Variants in ULK2 observed in about 807,000 individuals in gnomAD.
ULK2 encodes the protein serine/threonine-protein kinase ULK2.
ULK2 carries 76 observed loss-of-function variants against 127.5 expected under a neutral mutation model. That is an observed-to-expected ratio of 0.60 (90% CI 0.50 to 0.72). The LOEUF (loss-of-function observed/expected upper bound fraction) is 0.72. ULK2 is among the 30% of genes least tolerant of loss of function. ULK2 has a pLI of 0.00. For synonymous variants in ULK2, 452 were observed against 461.9 expected (o/e 0.98, Z 0.28); for missense variants, 1,144 against 1,295.9 (o/e 0.88, Z 1.80).
chr17:19,842,055 T>C (rs1597798918), intron 8 of ULK2, among the ~76,000 whole-genome samples: 2 of 152,238 alleles, frequency 1.3e-5, no homozygotes, highest in Admixed American at 1.3e-4. Flanking sequence ...CTATGTATAC[T>C]GCTACTATTC....
chr17:19,867,237 G>A (rs1255996825), intron 1 of ULK2, 91 bp downstream of exon 1: 8 of 1,023,022 alleles, frequency 7.8e-6, no homozygotes, highest in African/African-American at 1.7e-5. Context: ...AGCCGAGTCG[G>A]GGGTCTCGGC....
chr17:19,784,737 G>C (rs1344377321), intron 21 of ULK2, among the ~76,000 whole-genome samples: 1 of 151,736 alleles, frequency 6.6e-6, no homozygotes, highest in Admixed American at 6.6e-5. Context: ...TGTTGCCCAG[G>C]CTGGTCTCAA....
intron 3 of ULK2, among the ~76,000 whole-genome samples, chr17:19,864,224 T>C (rs962541371): frequency 2.6e-5 from 4 of 152,180 alleles, no homozygotes; most frequent in African/African-American, 9.7e-5. Context: ...TCCCAGTACT[T>C]TGGGAGGCCA....
At chr17:19,826,311 T>C in intron 10 of ULK2, 125 bp from the exon 11 acceptor site, 1 of 444,762 alleles carries the variant, frequency 2.2e-6, no homozygotes. Flanking sequence ...TTATATAGGC[T>C]CCATTTCCTT....
intron 25 of ULK2, among the ~76,000 whole-genome samples, chr17:19,778,890 C>A (rs886803682): frequency 3.3e-5 from 5 of 152,114 alleles, no homozygotes; most frequent in African/African-American, 1.2e-4. Flanking sequence ...CACTAAGCAG[C>A]CAGGACGAAC....
chr17:19,785,894 C>T, intron 21 of ULK2, 43 bp downstream of exon 21: 1 of 1,583,702 alleles, frequency 6.3e-7, no homozygotes, highest in Non-Finnish European at 8.6e-7. Flanking sequence ...ACACTACATT[C>T]CAAATACTAG....
At chr17:19,831,057 G>C (rs898390763) in intron 10 of ULK2, among the ~76,000 whole-genome samples, 3 of 150,306 alleles carry the variant, frequency 2.0e-5, no homozygotes, top group Admixed American at 6.6e-5. Flanking sequence ...CCTGAGACTG[G>C]CCATTTTATG....
At chr17:19,790,599 A>G (rs1024471412) in intron 20 of ULK2, among the ~76,000 whole-genome samples, 3 of 152,148 alleles carry the variant, frequency 2.0e-5, no homozygotes, top group Non-Finnish European at 4.4e-5. Context: ...GGAAGGAAGG[A>G]AAAAGAAGAC....
intron 20 of ULK2, among the ~76,000 whole-genome samples, chr17:19,793,322 G>T (rs1269061121): frequency 1.3e-5 from 2 of 152,164 alleles, no homozygotes; most frequent in East Asian, 1.9e-4. Flanking sequence ...TACAATTCAA[G>T]ATGAGATTTG....
At position 19,867,680 on chromosome 17, in the gene ULK2, G is replaced by A. The variant is rs2042385823; in HGVS notation, c.-263C>T. Reference sequence around the variant, plus strand: ...CGCCGGCCGCTGGCTGTCTGGCGAAGCGGCCTCGGCGCTGCCGGGCCAGGG... The same window carrying A: ...CGCCGGCCGCTGGCTGTCTGGCGAAACGGCCTCGGCGCTGCCGGGCCAGGG... On this transcript the variant is annotated 5_prime_UTR_variant, in exon 1 of 27. Transcript: ENST00000395544. 4.7e-6 allele frequency: 1 copy of A among 214,024 alleles called. No individual in the cohort carries two copies. Among genetic ancestry groups the A allele is most frequent in the Non-Finnish European group, 9.1e-6 (1 of 109,540 alleles). 13.3% of individuals were successfully genotyped at this position (214,024 alleles called of 1,614,324 possible).
At chr17:19,781,438 G>A (rs1597704797) in intron 23 of ULK2, among the ~76,000 whole-genome samples, 1 of 151,846 alleles carries the variant, frequency 6.6e-6, no homozygotes, top group Non-Finnish European at 1.5e-5. Flanking sequence ...TGTAGAGACA[G>A]GGATTCATCA....
intron 10 of ULK2, among the ~76,000 whole-genome samples, chr17:19,831,693 G>C (rs980323559): frequency 1.3e-5 from 2 of 151,638 alleles, no homozygotes; most frequent in Non-Finnish European, 2.9e-5. Flanking sequence ...CGGGCGTGGT[G>C]GTGGGCACCT....
intron 12 of ULK2, among the ~76,000 whole-genome samples, chr17:19,824,540 A>G (rs2041241730): frequency 6.6e-6 from 1 of 151,604 alleles, no homozygotes. Context: ...GATTAGGAAG[A>G]AGTACTGAGA....
In ULK2 at chr17:19,838,038, A is replaced by G. The variant is rs555968084; in HGVS notation, c.787+463T>C. On this transcript the variant is annotated intron_variant, in intron 10 of 26. Transcript: ENST00000395544. ...TACAGGCATGCTCCCAGCCCTCATC[A>G]TTTATATTGGCTGTTCACTCTGCTT... is the stretch of plus-strand genomic sequence containing the variant. 2.0e-5 allele frequency among the ~76,000 whole-genome samples: 3 copies of G among 152,190 alleles called. No individual in the cohort carries two copies. In the East Asian group the frequency reaches 5.8e-4, roughly 29 times the overall value.
chr17:19,780,526 A>T lies in ULK2; in HGVS notation c.2862T>A (p.Asp954Glu). The T allele has an allele frequency of 1.2e-6, 2 of 1,613,888 alleles. No homozygotes were observed. The highest frequency in any genetic ancestry group is 1.7e-6 in the Non-Finnish European group (2 of 1,179,906). ...RFFSDKQRFIDEINSVTAEKL... is the reference protein window; with the variant it reads ...RFFSDKQRFIEEINSVTAEKL... ...TCTCTGCAGTCACACTGTTGATTTC[A>T]TCAATAAACCTCTGTTTGTCAGAGA... The change falls in exon 25 of 27, where the codon GAT (aspartate) becomes GAA (glutamate). Residue 954 changes from aspartate (D) to glutamate (E), a missense_variant. Physicochemically the swap from Asp to Glu is conservative, Grantham distance 45. This residue lies in a region of ULK2 where 913 missense variants were observed against 970.5 expected (regional missense o/e 0.94). Coordinates refer to ENST00000395544, the MANE Select transcript of ULK2 (RefSeq NM_014683.4).
Position 19,772,959 on chromosome 17 carries a change from CAG to C in ULK2, c.*3388_*3389del, listed in dbSNP as rs1474673214. ...TGCCACTGCACTCCAGCCTGGGTGA[CAG>C]AGCAAGACTGTCTCAAAAAAAAAAA... On this transcript the variant is annotated 3_prime_UTR_variant, in exon 27 of 27. Transcript: ENST00000395544. 6.6e-6 allele frequency: 1 copy of C among 150,568 alleles called. No homozygotes were observed. Among genetic ancestry groups the C allele is most frequent in the Non-Finnish European group, 1.5e-5 (1 of 68,478 alleles). 9.3% of individuals were successfully genotyped at this position (150,568 alleles called of 1,614,324 possible).
chr17:19,777,780 G>A, intron 25 of ULK2, 64 bp from the exon 26 acceptor site: 1 of 1,542,426 alleles, frequency 6.5e-7, no homozygotes, highest in Non-Finnish European at 8.7e-7. Flanking sequence ...ATCCATTTGG[G>A]CAATGAAGCT....
At position 19,782,066 on chromosome 17, in the gene ULK2, C is replaced by T. The variant is rs747600405; in HGVS notation, c.2462G>A (p.Arg821Gln). The change falls in exon 23 of 27, where the codon CGG (arginine) becomes CAG (glutamine). Residue 821 changes from arginine (R) to glutamine (Q), a missense_variant and splice_region_variant. This residue lies in a region of ULK2 where 913 missense variants were observed against 970.5 expected (regional missense o/e 0.94). Transcript: ENST00000395544. ...PELPEETLME[R>Q]EHTDTLRHLN... is the part of the protein sequence containing the mutation. ...ATGGCGTAAGGTGTCTGTGTGTTCC[C>T]GCTGCAGCAAAGTCAATTTGTCTTA... 9 of 1,612,778 alleles carry T rather than the reference C, an allele frequency of 5.6e-6. No individual in the cohort carries two copies. In the East Asian group the frequency reaches 8.9e-5, roughly 16 times the overall value.
intron 18 of ULK2, among the ~76,000 whole-genome samples, chr17:19,796,720 C>A (rs1402171686): frequency 6.6e-6 from 1 of 152,162 alleles, no homozygotes; most frequent in East Asian, 1.9e-4. Flanking sequence ...ACGGCCCGGT[C>A]CCCTAGCCCG....
Sources: allele counts gnomAD v4.1 joint callset (sites outside exome capture counted in the v4.1 genomes callset), GRCh38; gene constraint gnomAD v4.1.1; regional missense constraint gnomAD v4.1.1; transcripts MANE v1.5; gene names NCBI Gene and HGNC (gene_info 2026-07-23, HGNC 2026-07-21).